PTPRN2: variants seen among roughly 807,000 people sequenced by gnomAD.
PTPRN2 encodes receptor-type tyrosine-protein phosphatase N2.
A neutral mutation model predicts 118.8 loss-of-function variants in PTPRN2; 74 were observed. The observed-to-expected ratio is 0.62, with a 90% CI of 0.52 to 0.76. The LOEUF (loss-of-function observed/expected upper bound fraction) is 0.76. PTPRN2 is among the 30% of genes least tolerant of loss of function. PTPRN2 has a pLI of 0.00. For synonymous variants in PTPRN2, 641 were observed against 608.0 expected (o/e 1.05, Z -0.80); for missense variants, 1,481 against 1,394.4 (o/e 1.06, Z -0.99).
chr7:158,184,507 A>T (rs1824974594), intron 5 of PTPRN2, among the ~76,000 whole-genome samples: 1 of 152,190 alleles, frequency 6.6e-6, no homozygotes, highest in Admixed American at 6.5e-5. Context: ...CAAATTTTTG[A>T]CAAAGGTTAT....
intron 3 of PTPRN2, among the ~76,000 whole-genome samples, chr7:158,305,537 T>C (rs1356702847): frequency 6.6e-6 from 1 of 151,828 alleles, no homozygotes; most frequent in Non-Finnish European, 1.5e-5. Flanking sequence ...CAAACCAAGA[T>C]CACACTTAAA....
chr7:157,595,210 A>C (rs866017747), intron 17 of PTPRN2, 28 bp downstream of exon 17: 4 of 1,606,290 alleles, frequency 2.5e-6, no homozygotes, highest in Middle Eastern at 1.7e-4. Flanking sequence ...CTTTTCAGAA[A>C]GAGAGATTTT....
At chr7:158,081,947 T>C (rs888005385) in intron 10 of PTPRN2, among the ~76,000 whole-genome samples, 3 of 152,318 alleles carry the variant, frequency 2.0e-5, no homozygotes, top group East Asian at 1.9e-4. Flanking sequence ...TTAAACCATT[T>C]AATTCATCTG....
chr7:158,306,855 GTTTTTTTTTTTTTTTTT>G (rs61276074), intron 3 of PTPRN2, among the ~76,000 whole-genome samples: 48 of 121,432 alleles, frequency 4.0e-4, no homozygotes, highest in African/African-American at 6.3e-4. Context: ...GCTGTTTTTT[GTTTTTTTTTTTTTTTTT>G]TTTTTTTTTT....
At chr7:158,502,233 C>T (rs539660242) in intron 1 of PTPRN2, among the ~76,000 whole-genome samples, 10 of 152,178 alleles carry the variant, frequency 6.6e-5, no homozygotes, top group Non-Finnish European at 1.2e-4. Flanking sequence ...ACAGCCACGC[C>T]CACTTGCTTA....
At chr7:157,686,926 C>T (rs888046498) in intron 12 of PTPRN2, among the ~76,000 whole-genome samples, 1 of 152,058 alleles carries the variant, frequency 6.6e-6, no homozygotes, top group Non-Finnish European at 1.5e-5. Flanking sequence ...TTAATTTTAT[C>T]CCAGGTTAGA....
chr7:157,749,606 C>T (rs534737632), intron 12 of PTPRN2, among the ~76,000 whole-genome samples: 2 of 117,398 alleles, frequency 1.7e-5, no homozygotes, highest in East Asian at 5.4e-4. Context: ...TGTGGGGTGT[C>T]TGAGTGATTC....
chr7:157,975,642 C>A (rs541754210), intron 11 of PTPRN2, among the ~76,000 whole-genome samples: 1 of 152,206 alleles, frequency 6.6e-6, no homozygotes, highest in South Asian at 2.1e-4. Flanking sequence ...GAGGCCAGCC[C>A]TTGGTGCCAG....
intron 2 of PTPRN2, among the ~76,000 whole-genome samples, chr7:158,335,489 T>G (rs1375293162): frequency 2.0e-5 from 1 of 49,278 alleles, no homozygotes; most frequent in Admixed American, 2.1e-4. Context: ...AGCTGATGCC[T>G]GCAGACGTCA....
intron 2 of PTPRN2, among the ~76,000 whole-genome samples, chr7:158,425,822 GACCA>G: frequency 8.5e-6 from 1 of 118,062 alleles, no homozygotes; most frequent in South Asian, 2.9e-4. Flanking sequence ...CGGGGTCCGA[GACCA>G]GCCTAGCTGA....
chr7:158,190,652 G>A (rs2150698922), intron 5 of PTPRN2, among the ~76,000 whole-genome samples: 1 of 152,296 alleles, frequency 6.6e-6, no homozygotes, highest in Non-Finnish European at 1.5e-5. Context: ...CATGAGGGGT[G>A]ATTTCAACCA....
Position 158,146,950 on chromosome 7 carries a change from C to T in PTPRN2, c.911-8435G>A, listed in dbSNP as rs866691423. Among the ~76,000 whole-genome samples the T allele has an allele frequency of 1.8e-3, 256 of 138,394 alleles. 4 individuals are homozygous for T. Among genetic ancestry groups the T allele is most frequent in the African/African-American group, 6.2e-3 (218 of 35,414 alleles). 90.8% of individuals were successfully genotyped at this position (138,394 alleles called of 152,430 possible). ...CATCTCACGCCACGTGTCTTTCCCC[C>T]TCAATGACACCCCATCTCACGCCAC... On this transcript the variant is annotated intron_variant, in intron 6 of 22. Transcript: ENST00000389418.
chr7:157,725,166 C>T (rs139503292), intron 12 of PTPRN2, among the ~76,000 whole-genome samples: 32,810 of 148,590 alleles, frequency 0.22, 3,132 homozygotes, highest in Non-Finnish European at 0.31. Flanking sequence ...TGAGCCAGAC[C>T]CTCGCCTCCC....
chr7:157,608,072 G>C (rs1802110490), intron 15 of PTPRN2, among the ~76,000 whole-genome samples: 1 of 152,126 alleles, frequency 6.6e-6, no homozygotes, highest in Non-Finnish European at 1.5e-5. Context: ...TACCAGCGAA[G>C]TCTTTTTTTT....
intron 11 of PTPRN2, among the ~76,000 whole-genome samples, chr7:157,928,704 T>C (rs1799172397): frequency 7.4e-5 from 1 of 13,596 alleles, no homozygotes. Context: ...GAGGGCGGGA[T>C]AGGGGTGGGG....
intron 9 of PTPRN2, among the ~76,000 whole-genome samples, chr7:158,116,729 C>A (rs1816760607): frequency 6.6e-6 from 1 of 152,212 alleles, no homozygotes; most frequent in Non-Finnish European, 1.5e-5. Flanking sequence ...TGCTAACACC[C>A]ATTTTTCCCA....
chr7:157,818,359 G>A (rs559351003), intron 12 of PTPRN2, among the ~76,000 whole-genome samples: 24 of 152,224 alleles, frequency 1.6e-4, no homozygotes, highest in Non-Finnish European at 2.6e-4. Flanking sequence ...TTTCTAAAGC[G>A]TGGGAAATGA....
At chr7:157,577,952 C>T (rs1388046119) in intron 18 of PTPRN2, 69 bp downstream of exon 18, 4 of 1,470,568 alleles carry the variant, frequency 2.7e-6, no homozygotes, top group African/African-American at 1.4e-5. Context: ...GAATCCCATT[C>T]GGAGGAGGAG....
chr7:158,330,964 GA>G lies in PTPRN2; in HGVS notation c.164-14033del, dbSNP rs1563150775. Among the ~76,000 whole-genome samples, 38 of 114,832 alleles carry G rather than the reference GA, an allele frequency of 3.3e-4. 3 individuals carry two copies. The highest frequency in any genetic ancestry group is 1.3e-3 in the African/African-American group (38 of 29,504). The allele number at this position is 114,832 out of a possible 152,430, so 75.3% of individuals were successfully genotyped here. ...ACGATAAGAGCTGTCACACGCAGAC[GA>G]CACTCACACCCACACTCTCACCATA... On this transcript the variant is annotated intron_variant, in intron 2 of 22. Coordinates refer to ENST00000389418, the MANE Select transcript of PTPRN2 (RefSeq NM_002847.5).
Sources: allele counts gnomAD v4.1 joint callset (sites outside exome capture counted in the v4.1 genomes callset), GRCh38; gene constraint gnomAD v4.1.1; transcripts MANE v1.5; gene names NCBI Gene and HGNC (gene_info 2026-07-23, HGNC 2026-07-21).